The following REPS2 variants were observed in gnomAD, a reference collection of about 807,000 sequenced individuals.
The protein encoded by REPS2 is ralBP1-associated Eps domain-containing protein 2.
REPS2 carries 23 observed loss-of-function variants against 53.6 expected under a neutral mutation model. That is an observed-to-expected ratio of 0.43 (90% CI 0.31 to 0.61). The LOEUF (loss-of-function observed/expected upper bound fraction) is 0.61. REPS2 is among the 20% of genes least tolerant of loss of function. The probability of loss-of-function intolerance (pLI) is 0.11; values close to 1 mark genes in which losing one functional copy is unlikely to be tolerated. For synonymous variants in REPS2, 238 were observed against 218.6 expected (o/e 1.09, Z -0.78); for missense variants, 446 against 534.9 (o/e 0.83, Z 1.64).
chrX:17,059,633 G>A lies in REPS2; in HGVS notation c.1115-2805G>A, dbSNP rs1267138092. Among the ~76,000 whole-genome samples, 5 of 109,492 alleles carry A rather than the reference G, an allele frequency of 4.6e-5. No homozygotes were observed. In the East Asian group the frequency reaches 8.7e-4, roughly 19 times the overall value. ...CAGGTGCCTGCTACCATGCCTGACA[G>A]ATTTTTGTATTTTAGTAGAGACGGG... is the stretch of plus-strand genomic sequence containing the variant. On this transcript the variant is annotated intron_variant, in intron 8 of 17. Transcript: ENST00000357277.
At chrX:17,085,449 A>G (rs748695797) in intron 13 of REPS2, among the ~76,000 whole-genome samples, 2 of 112,004 alleles carry the variant, frequency 1.8e-5, no homozygotes, top group Non-Finnish European at 3.8e-5. Context: ...CTTGCATTGA[A>G]TTTGTATATC....
rs773286959 is a variant in REPS2 at position 17,040,099 on chromosome X, C to T, written c.772-7248C>T. On this transcript the variant is annotated intron_variant, in intron 5 of 17. Coordinates refer to ENST00000357277, the MANE Select transcript of REPS2 (RefSeq NM_004726.3). ...AAGGCATCTTTGTGGGTTTATTTCC[C>T]TGAAGAAACAGATAAGGTTAAATTT... 4.8e-3 allele frequency among the ~76,000 whole-genome samples: 541 copies of T among 112,461 alleles called. 7 individuals are homozygous for T. Among genetic ancestry groups the T allele is most frequent in the African/African-American group, 0.017 (512 of 31,007 alleles).
At chrX:17,081,777 C>G (rs779311339) in intron 13 of REPS2, among the ~76,000 whole-genome samples, 1 of 111,937 alleles carries the variant, frequency 8.9e-6, no homozygotes, top group Non-Finnish European at 1.9e-5. Context: ...GAGCCATTGC[C>G]TCACAGTCCC....
chrX:17,053,306 A>G lies in REPS2; in HGVS notation c.971+861A>G, dbSNP rs1298463239. On this transcript the variant is annotated intron_variant, in intron 7 of 17. Transcript: ENST00000357277. ...TGAGCTGGATTTAGGTTCTTCAACA[A>G]TATATACTCTGGCATAATTTTTTTG... Among the ~76,000 whole-genome samples, 4 of 111,612 alleles carry G rather than the reference A, an allele frequency of 3.6e-5. No homozygotes were observed. The Admixed American group carries it at 3.8e-4, about 11-fold the overall frequency.
At chrX:17,116,826 C>T in intron 14 of REPS2, among the ~76,000 whole-genome samples, 1 of 111,697 alleles carries the variant, frequency 9.0e-6, no homozygotes, top group South Asian at 3.8e-4. Flanking sequence ...TTGTTTTTGT[C>T]AGGAGCGAAT....
chrX:17,048,214 G>A (rs1196667108), intron 6 of REPS2, among the ~76,000 whole-genome samples: 2 of 112,625 alleles, frequency 1.8e-5, no homozygotes, highest in Non-Finnish European at 3.7e-5. Flanking sequence ...ATATTGAAGT[G>A]TGGGCAAAGA....
chrX:17,018,628 A>C (rs2061531946), intron 2 of REPS2, among the ~76,000 whole-genome samples: 1 of 99,051 alleles, frequency 1.0e-5, no homozygotes, highest in Non-Finnish European at 2.0e-5. Context: ...AATGTGGCTC[A>C]CATTCTTTTT....
intron 3 of REPS2, 33 bp downstream of exon 3, chrX:17,022,304 T>A: frequency 8.5e-7 from 1 of 1,171,864 alleles, no homozygotes. Context: ...TTCATTTGAT[T>A]CTGACCATGA....
chrX:17,120,388 C>A (rs749839447), intron 14 of REPS2, among the ~76,000 whole-genome samples: 4 of 111,857 alleles, frequency 3.6e-5, no homozygotes, highest in Non-Finnish European at 7.5e-5. Flanking sequence ...TGACTTTGGG[C>A]AAGTTAGTCT....
chrX:16,946,938 C>T lies in REPS2; in HGVS notation c.77C>T (p.Pro26Leu). Residue 26 changes from proline (P) to leucine (L), a missense_variant, in exon 1 of 18, where the codon CCG becomes CTG. Physicochemically the swap from Pro to Leu is moderately conservative, Grantham distance 98. Coordinates refer to ENST00000357277, the MANE Select transcript of REPS2 (RefSeq NM_004726.3). ...GGCGGGGGCTGTGGCTCCGGGCCGC[C>T]GCCGCTGCTGCTGAGCGAGGGCGAG... ...AAGGGCGSGPPPLLLSEGEQQ... is the reference protein window; with the variant it reads ...AAGGGCGSGPLPLLLSEGEQQ... The T allele has an allele frequency of 1.2e-6, 1 of 848,396 alleles. No homozygotes were observed. The highest frequency in any genetic ancestry group is 1.4e-6 in the Non-Finnish European group (1 of 700,461). 69.9% of individuals were successfully genotyped at this position (848,396 alleles called of 1,213,427 possible).
chrX:17,052,355 G>A (rs1220158914), intron 6 of REPS2, 27 bp from the exon 7 acceptor site: 4 of 1,171,589 alleles, frequency 3.4e-6, no homozygotes, highest in Non-Finnish European at 4.6e-6. Flanking sequence ...GTAATTAATG[G>A]TTTATTTAAA....
Position 17,120,114 on chromosome X carries a change from A to G in REPS2, c.1579-13710A>G, listed in dbSNP as rs758075194. On this transcript the variant is annotated intron_variant, in intron 14 of 17. Coordinates refer to ENST00000357277, the MANE Select transcript of REPS2 (RefSeq NM_004726.3). Reference sequence around the variant, plus strand: ...CTGGTCTGGAACTCCTGACCTTGTGATCCACCTGCCTTGGCCTCCCAAAGT... The same window carrying G: ...CTGGTCTGGAACTCCTGACCTTGTGGTCCACCTGCCTTGGCCTCCCAAAGT... Among the ~76,000 whole-genome samples the G allele has an allele frequency of 3.6e-5, 4 of 111,098 alleles. No individual in the cohort carries two copies. In the East Asian group the frequency reaches 1.1e-3, roughly 31 times the overall value.
chrX:16,991,153 G>A (rs1289228764), intron 1 of REPS2, among the ~76,000 whole-genome samples: 1 of 111,496 alleles, frequency 9.0e-6, no homozygotes, highest in Non-Finnish European at 1.9e-5. Context: ...TCAGTTCCAA[G>A]GTCTTTTCTG....
At chrX:17,013,166 C>G (rs2061450156) in intron 2 of REPS2, among the ~76,000 whole-genome samples, 1 of 112,189 alleles carries the variant, frequency 8.9e-6, no homozygotes, top group African/African-American at 3.2e-5. Context: ...GCTCAACACC[C>G]TACACTGCAG....
At chrX:17,069,896 C>A in intron 10 of REPS2, 44 bp from the exon 11 acceptor site, 1 of 830,130 alleles carries the variant, frequency 1.2e-6, no homozygotes, top group Non-Finnish European at 1.7e-6. Context: ...AATTTTTTTT[C>A]CTCTTTTCTC....
intron 14 of REPS2, among the ~76,000 whole-genome samples, chrX:17,107,175 A>G (rs1170888788): frequency 8.9e-6 from 1 of 112,426 alleles, no homozygotes; most frequent in Non-Finnish European, 1.9e-5. Context: ...TGTTTTGTGT[A>G]ATGTATTTTT....
At chrX:16,982,870 G>A (rs2049221015) in intron 1 of REPS2, among the ~76,000 whole-genome samples, 1 of 112,429 alleles carries the variant, frequency 8.9e-6, no homozygotes, top group Non-Finnish European at 1.9e-5. Flanking sequence ...TGTTGCATGA[G>A]TATGGAAAAA....
At chrX:17,160,134 C>G in the REPS2 span, among the ~76,000 whole-genome samples, 1 of 112,763 alleles carries the variant, frequency 8.9e-6, no homozygotes, top group Non-Finnish European at 1.9e-5. Context: ...GAATGATGAA[C>G]TTATAAATTT....
downstream of REPS2, among the ~76,000 whole-genome samples, chrX:17,157,587 G>A (rs141043895): frequency 3.9e-4 from 44 of 111,892 alleles, no homozygotes; most frequent in East Asian, 0.01. Context: ...GGCATCTAGT[G>A]GGTGGAGGCC....
Sources: gnomAD v4.1 joint callset for allele counts (sites outside exome capture counted in the v4.1 genomes callset) on GRCh38, gnomAD v4.1.1 for gene constraint, MANE v1.5 for transcripts, NCBI Gene and HGNC (gene_info 2026-07-23, HGNC 2026-07-21) for gene names.